The following BRD3 variants were observed in gnomAD, a reference collection of about 807,000 sequenced individuals.
BRD3 encodes the protein bromodomain containing 3.
BRD3 carries 17 observed loss-of-function variants against 66.8 expected under a neutral mutation model. The ratio of observed to expected loss-of-function variants is 0.25; its 90% CI spans 0.17 to 0.38. The LOEUF is 0.38. BRD3 is among the 10% of genes least tolerant of loss of function. The pLI is 1.00. For missense variants in BRD3, 713 were observed against 956.1 expected (o/e 0.75, Z 3.35); for synonymous variants, 421 against 393.2 (o/e 1.07, Z -0.84).
intron 1 of BRD3, among the ~76,000 whole-genome samples, chr9:134,065,605 A>G (rs11795074): frequency 0.35 from 53,774 of 152,100 alleles, 10,014 homozygotes; most frequent in Middle Eastern, 0.53. Context: ...CCTCCCAGGC[A>G]GCAACGCTGG....
At position 134,045,235 on chromosome 9, in the gene BRD3, G is replaced by A. The variant is rs1830142036; in HGVS notation, c.1215+58C>T. The A allele has an allele frequency of 6.3e-7, 1 of 1,598,436 alleles. No individual in the cohort carries two copies. Among genetic ancestry groups the A allele is most frequent in the East Asian group, 2.2e-5 (1 of 44,554 alleles). ...ACCTGGGCGCTTACCCCACACTGAGGCCAGGATGCCCACAGCACTGAGCTG... is the reference window on the plus strand; with the variant it reads ...ACCTGGGCGCTTACCCCACACTGAGACCAGGATGCCCACAGCACTGAGCTG... On this transcript the variant is annotated intron_variant, in intron 7 of 11. Transcript: ENST00000303407. The surrounding 1 kb of genome is among the most constrained non-coding windows in gnomAD (Gnocchi z 4.8).
upstream of BRD3, chr9:134,068,324 C>G (rs1350390946): frequency 6.7e-6 from 1 of 149,756 alleles, no homozygotes; most frequent in Non-Finnish European, 1.5e-5. Flanking sequence ...CGGCTCTCCT[C>G]ACCCCGTGTC....
At chr9:134,053,636 G>T in intron 1 of BRD3, 46 bp from the exon 2 acceptor site, 1 of 1,426,416 alleles carries the variant, frequency 7.0e-7, no homozygotes, top group Non-Finnish European at 9.1e-7. Context: ...GTCACCCCGG[G>T]GACCCCCACC....
At position 134,053,680 on chromosome 9, in the gene BRD3, G is replaced by C. The variant is rs115011389; in HGVS notation, c.-113-90C>G. On this transcript the variant is annotated intron_variant, in intron 1 of 11. Coordinates refer to ENST00000303407, the MANE Select transcript of BRD3 (RefSeq NM_007371.4). Reference sequence around the variant, plus strand: ...CCTCGGCGGGCTCCTGAGGGCACCTGTCGGGCCTCAGCAGGGCCTGCTCCA... The same window carrying C: ...CCTCGGCGGGCTCCTGAGGGCACCTCTCGGGCCTCAGCAGGGCCTGCTCCA... The C allele has an allele frequency of 0.014, 16,886 of 1,221,334 alleles. 1,036 individuals carry two copies. In the African/African-American group the frequency reaches 0.17, roughly 12 times the overall value. 75.7% of individuals were successfully genotyped at this position (1,221,334 alleles called of 1,614,324 possible). A position where few individuals can be genotyped will look rare whatever the true frequency, so the allele number is the denominator to read the frequency against.
rs1340711718 is a variant in BRD3, at chr9:134,053,560, C to T, written c.-83G>A. 6.9e-6 allele frequency: 10 copies of T among 1,451,772 alleles called. No homozygotes were observed. Among genetic ancestry groups the T allele is most frequent in the African/African-American group, 2.8e-5 (2 of 70,452 alleles). 89.9% of individuals were successfully genotyped at this position (1,451,772 alleles called of 1,614,324 possible). A position where few individuals can be genotyped will look rare whatever the true frequency, so the allele number is the denominator to read the frequency against. Reference sequence around the variant, plus strand: ...TTCTACGCTCCCTGAGAAAGCGCGACGTCCCATTTCCGGGCCCAACCAGGC... The same window carrying T: ...TTCTACGCTCCCTGAGAAAGCGCGATGTCCCATTTCCGGGCCCAACCAGGC... On this transcript the variant is annotated 5_prime_UTR_variant, in exon 2 of 12. Coordinates refer to ENST00000303407, the MANE Select transcript of BRD3 (RefSeq NM_007371.4).
At chr9:134,053,221 G>C in intron 2 of BRD3, 44 bp downstream of exon 2, 1 of 1,600,396 alleles carries the variant, frequency 6.2e-7, no homozygotes. Context: ...GACAGAGGAC[G>C]GCAGCAGCAG....
In BRD3 at chr9:134,052,085, G is replaced by T. The variant is rs572266997; in HGVS notation, c.351+221C>A. The stretch of plus-strand genomic sequence containing the variant: ...TTTTTGTATTTTTAGTAGAGACGGG[G>T]TTTCACCATGTTGCACAGGCTGGTC... On this transcript the variant is annotated intron_variant, in intron 3 of 11. Transcript: ENST00000303407. 4.6e-5 allele frequency among the ~76,000 whole-genome samples: 7 copies of T among 152,120 alleles called. No homozygotes were observed. In the South Asian group the frequency reaches 1.5e-3, roughly 32 times the overall value.
At chr9:134,066,620 G>A (rs1380367383) in intron 1 of BRD3, among the ~76,000 whole-genome samples, 1 of 151,950 alleles carries the variant, frequency 6.6e-6, no homozygotes, top group African/African-American at 2.4e-5. Context: ...CTACAAAAGA[G>A]CAGGGTAAAA....
In BRD3 at chr9:134,053,280, G is replaced by T. The variant is rs140746159; in HGVS notation, c.198C>A (p.Ile66=). The change falls in exon 2 of 12, where the codon ATC becomes ATA. Residue 66 remains isoleucine (I), a synonymous_variant. Coordinates refer to ENST00000303407, the MANE Select transcript of BRD3 (RefSeq NM_007371.4). ...AWPFYQPVDA[I]KLNLPDYHKI... ...AGCTACGCACCGGCAGGTTCAATTT[G>T]ATTGCGTCCACGGGCTGGTAGAAGG... The T allele has an allele frequency of 7.6e-4, 1,231 of 1,613,344 alleles. No individual in the cohort carries two copies. The highest frequency in any genetic ancestry group is 1.9e-3 in the Admixed American group (113 of 60,030).
chr9:134,031,136 G>C lies in BRD3; in HGVS notation c.*2454C>G, dbSNP rs1843505557. 4.4e-6 allele frequency: 1 copy of C among 227,644 alleles called. No individual in the cohort carries two copies. Among genetic ancestry groups the C allele is most frequent in the Non-Finnish European group, 8.7e-6 (1 of 114,686 alleles). 14.1% of individuals were successfully genotyped at this position (227,644 alleles called of 1,614,324 possible). ...TGCAGCTGCTCAGTGTACCCGCCGT[G>C]GGCTGTCAGGGTCAGTGGCTTCTTT... On this transcript the variant is annotated 3_prime_UTR_variant, in exon 12 of 12. Transcript: ENST00000303407.
intron 7 of BRD3, among the ~76,000 whole-genome samples, chr9:134,042,322 C>G (rs929174958): frequency 6.6e-6 from 1 of 152,200 alleles, no homozygotes; most frequent in African/African-American, 2.4e-5. Context: ...TGAGCTTGGA[C>G]AGGGTCCTCC....
intron 1 of BRD3, among the ~76,000 whole-genome samples, chr9:134,066,972 G>A (rs979814515): frequency 2.6e-5 from 4 of 152,204 alleles, no homozygotes; most frequent in African/African-American, 4.8e-5. Flanking sequence ...GCCGCGCGAA[G>A]CCCCCATCCC....
At position 134,048,472 on chromosome 9, in the gene BRD3, C is replaced by T. The variant is rs1425429942; in HGVS notation, c.715-18G>A. 1.3e-6 allele frequency: 2 copies of T among 1,598,008 alleles called. No homozygotes were observed. Among genetic ancestry groups the T allele is most frequent in the Admixed American group, 1.7e-5 (1 of 59,942 alleles). On this transcript the variant is annotated intron_variant, in intron 5 of 11. Coordinates refer to ENST00000303407, the MANE Select transcript of BRD3 (RefSeq NM_007371.4). ...CCCTTTTTCTGCGACAGTGAAATAACCAGTGAACCCCGGAAACCAGGGGCC... is the reference window on the plus strand; with the variant it reads ...CCCTTTTTCTGCGACAGTGAAATAATCAGTGAACCCCGGAAACCAGGGGCC...
In BRD3 at chr9:134,033,704, C is replaced by T. The variant is rs1389256888; in HGVS notation, c.2067G>A (p.Glu689=). Residue 689 remains glutamate (E), a splice_region_variant and synonymous_variant, in exon 12 of 12, where the codon GAG becomes GAA. Coordinates refer to ENST00000303407, the MANE Select transcript of BRD3 (RefSeq NM_007371.4). This position sits in a 1 kb window ranked among gnomAD's most constrained non-coding sequence, Gnocchi z 5.1. ...LSSSKKPARK[E]KPGSAPSGGP... Reference sequence around the variant, plus strand: ...CCCCTGAGGGTGCTGAGCCGGGCTTCTCTGTGGAGACATGGGCAGGGAGAT... The same window carrying T: ...CCCCTGAGGGTGCTGAGCCGGGCTTTTCTGTGGAGACATGGGCAGGGAGAT... 2 of 737,368 alleles carry T rather than the reference C, an allele frequency of 2.7e-6. No homozygotes were observed. Among genetic ancestry groups the T allele is most frequent in the Admixed American group, 3.7e-5 (2 of 54,574 alleles). The allele number at this position is 737,368 out of a possible 1,614,324, so 45.7% of individuals were successfully genotyped here. A position where few individuals can be genotyped will look rare whatever the true frequency, so the allele number is the denominator to read the frequency against.
chr9:134,042,794 C>T (rs62575777), intron 7 of BRD3, among the ~76,000 whole-genome samples: 2 of 702 alleles, frequency 2.8e-3, no homozygotes, highest in East Asian at 0.17. Flanking sequence ...CACAAATATA[C>T]ACACACACAC....
At chr9:134,057,042 G>C (rs759816384) in intron 1 of BRD3, 3 of 152,422 alleles carry the variant, frequency 2.0e-5, no homozygotes, top group Non-Finnish European at 4.4e-5. Context: ...GCAACCTGCA[G>C]ACCAACTCGA....
At position 134,050,573 on chromosome 9, in the gene BRD3, G is replaced by A. The variant is rs34609592; in HGVS notation, c.515C>T (p.Ala172Val). Reference protein sequence around the residue: ...GAQSAGTQQVAAVSSVSPATP... With the variant: ...GAQSAGTQQVVAVSSVSPATP... ...CGCTGGGGAGACAGAGGACACGGCC[G>A]CCACTTGCTGTGTACCTTCAAGACA... is the stretch of plus-strand genomic sequence containing the variant. Residue 172 changes from alanine to valine, a missense_variant, in exon 5 of 12, where the codon GCG becomes GTG. This residue lies in a region of BRD3 where 120 missense variants were observed against 122.8 expected (regional missense o/e 0.98). Transcript: ENST00000303407. The A allele has an allele frequency of 0.012, 18,910 of 1,606,016 alleles. 182 individuals are homozygous for A. Among genetic ancestry groups the A allele is most frequent in the Non-Finnish European group, 0.013 (14,733 of 1,177,970 alleles).
At chr9:134,066,632 G>C (rs904847726) in intron 1 of BRD3, among the ~76,000 whole-genome samples, 11 of 152,006 alleles carry the variant, frequency 7.2e-5, no homozygotes, top group African/African-American at 2.7e-4. Flanking sequence ...AGGGTAAAAA[G>C]AAAACTCTTT....
At chr9:134,051,409 C>CGGAT (rs2132426105) in intron 4 of BRD3, among the ~76,000 whole-genome samples, 153 bp downstream of exon 4, 1 of 152,302 alleles carries the variant, frequency 6.6e-6, no homozygotes, top group African/African-American at 2.4e-5. Flanking sequence ...TCCAACATCA[C>CGGAT]CCACAGGCCA....
Sources: allele counts gnomAD v4.1 joint callset (sites outside exome capture counted in the v4.1 genomes callset), GRCh38; gene constraint gnomAD v4.1.1; regional missense constraint gnomAD v4.1.1; non-coding constraint Gnocchi (gnomAD v3.1); transcripts MANE v1.5; gene names NCBI Gene and HGNC (gene_info 2026-07-23, HGNC 2026-07-21).